The following SLCO2B1 variants were observed in gnomAD, a reference collection of about 807,000 sequenced individuals.
The protein encoded by SLCO2B1 is OATP-RP2.
SLCO2B1 carries 41 observed loss-of-function variants against 67.3 expected under a neutral mutation model. That is an observed-to-expected ratio of 0.61 (90% confidence interval 0.47 to 0.79). The LOEUF (loss-of-function observed/expected upper bound fraction) is 0.79, where lower values mean the gene tolerates loss of function less well. Ranked by LOEUF, SLCO2B1 falls within the 30% of genes least tolerant of loss-of-function variation. SLCO2B1 has a pLI of 0.00. For missense variants in SLCO2B1, 837 were observed against 920.1 expected, an observed-to-expected ratio of 0.91 and a Z score of 1.17; for synonymous variants, 379 against 381.4, an observed-to-expected ratio of 0.99 and a Z score of 0.07.
At chr11:75,151,441 G>T (rs1007330244) in intron 1 of SLCO2B1, 44 bp downstream of exon 1, 2 of 1,609,140 alleles carry the variant, frequency 1.2e-6, no homozygotes, top group Non-Finnish European at 1.7e-6. Context: ...GAGCAAGCCT[G>T]GGGGACATGT....
intron 1 of SLCO2B1, among the ~76,000 whole-genome samples, chr11:75,156,603 C>G (rs573348067): frequency 6.6e-6 from 1 of 152,156 alleles, no homozygotes; most frequent in South Asian, 2.1e-4. Flanking sequence ...GGGTCTGGAT[C>G]CAGACCCCAA....
intron 7 of SLCO2B1, among the ~76,000 whole-genome samples, chr11:75,180,805 A>G (rs534692273): frequency 4.4e-4 from 67 of 152,340 alleles, no homozygotes; most frequent in Non-Finnish European, 7.8e-4. Context: ...AGATATAGTT[A>G]TTACCCCCAT....
At chr11:75,186,816 G>T (rs1156748845) in intron 7 of SLCO2B1, among the ~76,000 whole-genome samples, 12 of 152,132 alleles carry the variant, frequency 7.9e-5, no homozygotes, top group Non-Finnish European at 1.5e-5. Context: ...AAGTGTGCAC[G>T]GTAATAGTAC....
intron 1 of SLCO2B1, among the ~76,000 whole-genome samples, chr11:75,155,513 A>G (rs972123403): frequency 6.6e-6 from 1 of 152,158 alleles, no homozygotes; most frequent in Non-Finnish European, 1.5e-5. Flanking sequence ...GCTGGAGTGC[A>G]ATGGCACAAT....
At chr11:75,184,171 C>A (rs1379086771) in intron 7 of SLCO2B1, among the ~76,000 whole-genome samples, 1 of 152,108 alleles carries the variant, frequency 6.6e-6, no homozygotes, top group African/African-American at 2.4e-5. Flanking sequence ...TTGGCTATAC[C>A]CACTTCTGGT....
At chr11:75,182,419 T>C (rs769126483) in intron 7 of SLCO2B1, among the ~76,000 whole-genome samples, 3 of 152,076 alleles carry the variant, frequency 2.0e-5, no homozygotes, top group Non-Finnish European at 2.9e-5. Context: ...AGACAGACCA[T>C]TGTGGGAATT....
intron 1 of SLCO2B1, 27 bp from the exon 2 acceptor site, chr11:75,162,628 C>T (rs1255977898): frequency 6.2e-7 from 1 of 1,605,158 alleles, no homozygotes; most frequent in African/African-American, 1.3e-5. Flanking sequence ...TCTATCTATT[C>T]TCTTTCCCTG....
intron 2 of SLCO2B1, among the ~76,000 whole-genome samples, chr11:75,163,657 C>T (rs1555137482): frequency 6.6e-6 from 1 of 152,014 alleles, no homozygotes; most frequent in Non-Finnish European, 1.5e-5. Context: ...TGGAGTGTAC[C>T]CAGGATAGCT....
At chr11:75,203,731 G>T (rs1002415543) in intron 13 of SLCO2B1, 19 of 338,904 alleles carry the variant, frequency 5.6e-5, no homozygotes, top group African/African-American at 4.1e-4. Context: ...CAGCCATGCT[G>T]CGAGAGGGAC....
intron 10 of SLCO2B1, among the ~76,000 whole-genome samples, chr11:75,198,310 G>T (rs1945131601): frequency 6.6e-6 from 1 of 152,182 alleles, no homozygotes; most frequent in African/African-American, 2.4e-5. Context: ...TCAGTTTCTT[G>T]GTCTGTAAAA....
chr11:75,156,438 A>G (rs1306960638), intron 1 of SLCO2B1, among the ~76,000 whole-genome samples: 2 of 152,100 alleles, frequency 1.3e-5, no homozygotes, highest in African/African-American at 4.8e-5. Flanking sequence ...AGGCCCAGGG[A>G]ACCCCAAGCA....
chr11:75,157,204 C>T (rs1207484281), intron 1 of SLCO2B1: 1 of 152,164 alleles, frequency 6.6e-6, no homozygotes, highest in Non-Finnish European at 1.5e-5. Flanking sequence ...AAGGGCTGAT[C>T]CATCTTTCAG....
At position 75,203,364 on chromosome 11, in the gene SLCO2B1, G is replaced by C; in HGVS notation, c.1886G>C (p.Trp629Ser). Residue 629 changes from tryptophan to serine, a missense_variant, in exon 13 of 14, where the codon TGG (tryptophan) becomes TCG (serine). Trp to Ser is a radical substitution (Grantham distance 177). Coordinates refer to ENST00000289575, the MANE Select transcript of SLCO2B1 (RefSeq NM_007256.5). ...GCCATCGACACCACCTGTGTGCACTGGGCCCTGAGCTGTGGGCGTCGAGCT... is the reference window on the plus strand; with the variant it reads ...GCCATCGACACCACCTGTGTGCACTCGGCCCTGAGCTGTGGGCGTCGAGCT... ...GSAIDTTCVHWALSCGRRAVC... is the reference protein window; with the variant it reads ...GSAIDTTCVHSALSCGRRAVC... The C allele has an allele frequency of 6.2e-7, 1 of 1,614,168 alleles. No individual in the cohort carries two copies. The highest frequency in any genetic ancestry group is 8.5e-7 in the Non-Finnish European group (1 of 1,180,024).
At chr11:75,182,512 G>A (rs993219164) in intron 7 of SLCO2B1, among the ~76,000 whole-genome samples, 1 of 152,202 alleles carries the variant, frequency 6.6e-6, no homozygotes, top group African/African-American at 2.4e-5. Flanking sequence ...GGATGCCAAG[G>A]CGGCCAGATC....
At chr11:75,157,092 A>G (rs1051119776) in intron 1 of SLCO2B1, 1 of 152,296 alleles carries the variant, frequency 6.6e-6, no homozygotes, top group Admixed American at 6.5e-5. Context: ...TCCCTACTCA[A>G]GATGAAGATG....
chr11:75,172,667 C>T, intron 7 of SLCO2B1, 98 bp downstream of exon 7: 1 of 1,123,758 alleles, frequency 8.9e-7, no homozygotes, highest in Non-Finnish European at 1.3e-6. Flanking sequence ...TGGTGGCTCA[C>T]ATCTGTAGTT....
intron 4 of SLCO2B1, among the ~76,000 whole-genome samples, chr11:75,168,134 C>T (rs761193588): frequency 2.6e-5 from 4 of 152,106 alleles, no homozygotes; most frequent in Non-Finnish European, 5.9e-5. Context: ...CTCAGGTGAT[C>T]CACCCTGCTC....
rs745991539 is a variant in SLCO2B1 at position 75,172,358 on chromosome 11, C to T, written c.782-21C>T. 3 of 1,602,264 alleles carry T rather than the reference C, an allele frequency of 1.9e-6. No individual in the cohort carries two copies. In the East Asian group the frequency reaches 6.7e-5, roughly 36 times the overall value. On this transcript the variant is annotated intron_variant, in intron 6 of 13. Coordinates refer to ENST00000289575, the MANE Select transcript of SLCO2B1 (RefSeq NM_007256.5). ...CAGCCTATCATCCTGACCCTAATGT[C>T]ACCATGCTCTTCTCTTCCAGGTGGT...
At chr11:75,194,774 T>C (rs924704107) in intron 9 of SLCO2B1, among the ~76,000 whole-genome samples, 2 of 152,184 alleles carry the variant, frequency 1.3e-5, no homozygotes, top group Non-Finnish European at 2.9e-5. Flanking sequence ...ATTTTTTAAA[T>C]AGTGCAGAAA....
Sources: gnomAD v4.1 joint callset for allele counts (sites outside exome capture counted in the v4.1 genomes callset) on GRCh38, gnomAD v4.1.1 for gene constraint, MANE v1.5 for transcripts, NCBI Gene and HGNC (gene_info 2026-07-23, HGNC 2026-07-21) for gene names.